PCDHA8: variants seen among roughly 807,000 people sequenced by gnomAD.
The protein encoded by PCDHA8 is protocadherin alpha 8.
In PCDHA8, 53 loss-of-function variants were observed where a neutral mutation model predicts 61.8. The observed-to-expected ratio is 0.86, with a 90% CI of 0.69 to 1.08. The LOEUF is 1.08. PCDHA8 is among the 50% of genes least tolerant of loss of function. PCDHA8 has a pLI of 0.00. For missense variants in PCDHA8, 1,293 were observed against 1,245.0 expected, an observed-to-expected ratio of 1.04 and a Z score of -0.58; for synonymous variants, 618 against 556.6, an observed-to-expected ratio of 1.11 and a Z score of -1.55.
chr5:140,994,519 A>G (rs1378534275), intron 3 of PCDHA8, among the ~76,000 whole-genome samples: 2 of 148,690 alleles, frequency 1.3e-5, no homozygotes, highest in Non-Finnish European at 3.0e-5. Context: ...CCTGGGCAAC[A>G]TGGCAAAACC....
chr5:140,928,480 G>A, intron 1 of PCDHA8: 2 of 1,614,146 alleles, frequency 1.2e-6, no homozygotes, highest in Non-Finnish European at 1.7e-6. Flanking sequence ...AGGCCGGGAT[G>A]GTGGCATTCC....
chr5:140,985,273 T>C (rs1554246915), intron 3 of PCDHA8, among the ~76,000 whole-genome samples: 1 of 152,178 alleles, frequency 6.6e-6, no homozygotes, highest in African/African-American at 2.4e-5. Context: ...GGACTACTTT[T>C]CTGCAATCTA....
rs782167817 is a variant in PCDHA8 at position 140,875,512 on chromosome 5, C to G, written c.2394+31797C>G. Reference sequence around the variant, plus strand: ...ACCAAGAGGCCCGGGATCCCAGCGTCTGCTGCTCTCGCTTCTGCTCCTTGC... The same window carrying G: ...ACCAAGAGGCCCGGGATCCCAGCGTGTGCTGCTCTCGCTTCTGCTCCTTGC... On this transcript the variant is annotated intron_variant, in intron 1 of 3. Coordinates refer to ENST00000531613, the MANE Select transcript of PCDHA8 (RefSeq NM_018911.3). 3 of 1,613,928 alleles carry G rather than the reference C, an allele frequency of 1.9e-6. No individual in the cohort carries two copies. The East Asian group carries it at 6.7e-5, about 36-fold the overall frequency.
chr5:140,853,472 T>C lies in PCDHA8; in HGVS notation c.2394+9757T>C, dbSNP rs1420566523. The C allele has an allele frequency of 4.8e-5, 47 of 973,390 alleles. 7 individuals are homozygous for C. The highest frequency in any genetic ancestry group is 5.7e-5 in the Non-Finnish European group (46 of 806,260). 60.3% of individuals were successfully genotyped at this position (973,390 alleles called of 1,614,324 possible). A position where few individuals can be genotyped will look rare whatever the true frequency, so the allele number is the denominator to read the frequency against. ...AGGTCTCCTTATATGCATCTGTAGT[T>C]AACATTCCTCAATTCAAGTTAGAAT... On this transcript the variant is annotated intron_variant, in intron 1 of 3. Coordinates refer to ENST00000531613, the MANE Select transcript of PCDHA8 (RefSeq NM_018911.3).
chr5:140,967,665 C>T (rs782126222), intron 1 of PCDHA8: 23 of 1,614,036 alleles, frequency 1.4e-5, no homozygotes, highest in East Asian at 2.2e-5. Context: ...AGCAGCTACA[C>T]GTCGGACCGG....
chr5:140,993,282 C>G lies in PCDHA8; in HGVS notation c.2542+10719C>G, dbSNP rs183298575. On this transcript the variant is annotated intron_variant, in intron 3 of 3. Transcript: ENST00000531613. Reference sequence around the variant, plus strand: ...ATTAGCTTCTTTGGTCTTTTCTTGCCCAGGGTCACAACCTTGCCTCCAGGA... The same window carrying G: ...ATTAGCTTCTTTGGTCTTTTCTTGCGCAGGGTCACAACCTTGCCTCCAGGA... Among the ~76,000 whole-genome samples, 618 of 151,922 alleles carry G rather than the reference C, an allele frequency of 4.1e-3. 6 individuals are homozygous for G. Among genetic ancestry groups the G allele is most frequent in the Non-Finnish European group, 5.9e-3 (399 of 67,976 alleles).
intron 1 of PCDHA8, among the ~76,000 whole-genome samples, chr5:140,909,754 G>T (rs2074670000): frequency 6.6e-6 from 1 of 152,100 alleles, no homozygotes; most frequent in Non-Finnish European, 1.5e-5. Context: ...AATGACCACA[G>T]GATGAGTCCA....
In PCDHA8 at chr5:140,850,341, G is replaced by T. The variant is rs146727140; in HGVS notation, c.2394+6626G>T. 29 of 1,597,748 alleles carry T rather than the reference G, an allele frequency of 1.8e-5. 2 individuals are homozygous for T. The highest frequency in any genetic ancestry group is 2.4e-5 in the Non-Finnish European group (28 of 1,167,702). Reference sequence around the variant, plus strand: ...TTCATACGAGCTGCAGCCAGAAACGGCCAGCGCGAGCATCCCGTTCCGCGT... The same window carrying T: ...TTCATACGAGCTGCAGCCAGAAACGTCCAGCGCGAGCATCCCGTTCCGCGT... On this transcript the variant is annotated intron_variant, in intron 1 of 3. Transcript: ENST00000531613.
chr5:140,846,051 C>T lies in PCDHA8; in HGVS notation c.2394+2336C>T, dbSNP rs2150384133. Among the ~76,000 whole-genome samples the T allele has an allele frequency of 2.0e-5, 3 of 149,742 alleles. No individual in the cohort carries two copies. In the South Asian group the frequency reaches 6.3e-4, roughly 32 times the overall value. ...TTTAGGAAAGTCAAGTTAACACCAC[C>T]TATGTGGGAAAACAGTTTTTTGGAA... On this transcript the variant is annotated intron_variant, in intron 1 of 3. Coordinates refer to ENST00000531613, the MANE Select transcript of PCDHA8 (RefSeq NM_018911.3).
intron 1 of PCDHA8, chr5:140,866,190 G>C (rs1420527547): frequency 6.6e-6 from 1 of 152,128 alleles, no homozygotes; most frequent in African/African-American, 2.4e-5. Context: ...TCAGAAAACT[G>C]TGGTTTCCAA....
intron 1 of PCDHA8, chr5:140,853,593 G>C (rs2042798259): frequency 1.0e-6 from 1 of 986,850 alleles, no homozygotes; most frequent in Admixed American, 6.3e-5. Flanking sequence ...TAGACACTTT[G>C]AGAGCAAAGG....
At chr5:140,876,509 A>G (rs782112140) in intron 1 of PCDHA8, 2 of 1,614,020 alleles carry the variant, frequency 1.2e-6, no homozygotes, top group South Asian at 2.2e-5. Flanking sequence ...GTGAATGACA[A>G]TGTCCCTGAA....
chr5:140,979,002 G>A lies in PCDHA8; in HGVS notation c.2448G>A (p.Met816Ile). 6.2e-7 allele frequency: 1 copy of A among 1,614,130 alleles called. No homozygotes were observed. The highest frequency in any genetic ancestry group is 8.5e-7 in the Non-Finnish European group (1 of 1,180,014). ...WRYSASLRAG[M>I]HSSVHLEEAG... ...ACTCTGCCTCCCTGAGAGCAGGCAT[G>A]CACAGGTATGTATTTCCCTCCTCAT... The change falls in exon 2 of 4, where the codon ATG becomes ATA. Residue 816 changes from methionine (M) to isoleucine (I), a missense_variant. Transcript: ENST00000531613.
chr5:140,947,035 A>T (rs2094072055), intron 1 of PCDHA8, among the ~76,000 whole-genome samples: 1 of 151,748 alleles, frequency 6.6e-6, no homozygotes, highest in Admixed American at 6.6e-5. Flanking sequence ...GGATATACTA[A>T]TTACCCTGAT....
intron 1 of PCDHA8, chr5:140,882,906 C>G: frequency 6.2e-7 from 1 of 1,614,200 alleles, no homozygotes; most frequent in Non-Finnish European, 8.5e-7. Context: ...TTATTACTGA[C>G]AGCCAGTGAT....
At chr5:140,929,821 C>G (rs2086398950) in intron 1 of PCDHA8, 1 of 157,208 alleles carries the variant, frequency 6.4e-6, no homozygotes, top group Non-Finnish European at 1.4e-5. Context: ...AGAAAGGGAA[C>G]ATAAGAGAAC....
intron 1 of PCDHA8, among the ~76,000 whole-genome samples, chr5:140,976,681 A>T (rs2096726641): frequency 6.6e-6 from 1 of 152,206 alleles, no homozygotes; most frequent in Non-Finnish European, 1.5e-5. Context: ...TCATTTTTGC[A>T]ATTTAAGTAC....
At position 140,858,441 on chromosome 5, in the gene PCDHA8, G is replaced by C. The variant is rs782468673; in HGVS notation, c.2394+14726G>C. 13 of 1,537,092 alleles carry C rather than the reference G, an allele frequency of 8.5e-6. 2 individuals carry two copies. The South Asian group carries it at 1.2e-4, about 14-fold the overall frequency. ...GGAGGGGACCACTCTAGGAAGGTGG[G>C]TTATTACGTTTTCATTTTCCTTTTG... is the stretch of plus-strand genomic sequence containing the variant. On this transcript the variant is annotated intron_variant, in intron 1 of 3. Coordinates refer to ENST00000531613, the MANE Select transcript of PCDHA8 (RefSeq NM_018911.3).
intron 3 of PCDHA8, among the ~76,000 whole-genome samples, chr5:140,998,568 A>AG (rs1167593072): frequency 3.1e-5 from 3 of 96,370 alleles, no homozygotes; most frequent in African/African-American, 1.3e-4. Context: ...ATTGTAAATA[A>AG]GTTTTTTTTT....
Sources: gnomAD v4.1 joint callset for allele counts (sites outside exome capture counted in the v4.1 genomes callset) on GRCh38, gnomAD v4.1.1 for gene constraint, MANE v1.5 for transcripts, NCBI Gene and HGNC (gene_info 2026-07-23, HGNC 2026-07-21) for gene names.